SLC29A4: variants seen among roughly 807,000 people sequenced by gnomAD.
The protein encoded by SLC29A4 is solute carrier family 29 member 4.
Under a neutral mutation model 43.9 loss-of-function variants are expected in SLC29A4, and 36 were observed. The observed-to-expected ratio is 0.82, with a 90% CI of 0.63 to 1.08. The LOEUF is 1.08. SLC29A4 is among the 50% of genes least tolerant of loss of function. The pLI, the probability that SLC29A4 is intolerant of heterozygous loss-of-function variation, is 0.00. For missense variants in SLC29A4, 869 were observed against 755.3 expected, an observed-to-expected ratio of 1.15 and a Z score of -1.77; for synonymous variants, 491 against 338.0, an observed-to-expected ratio of 1.45 and a Z score of -4.97.
At chr7:5,292,845 C>T (rs1785394487) in intron 5 of SLC29A4, among the ~76,000 whole-genome samples, 1 of 151,264 alleles carries the variant, frequency 6.6e-6, no homozygotes, top group Admixed American at 6.6e-5. Context: ...ATTACAGGTG[C>T]CCGCCACCAT....
At chr7:5,294,449 T>A (rs1785512227) in intron 5 of SLC29A4, among the ~76,000 whole-genome samples, 1 of 152,082 alleles carries the variant, frequency 6.6e-6, no homozygotes, top group Admixed American at 6.5e-5. Context: ...GCCTGACTTC[T>A]CACTTTTGCT....
chr7:5,283,584 G>A (rs1339732924), intron 1 of SLC29A4, among the ~76,000 whole-genome samples: 2 of 152,192 alleles, frequency 1.3e-5, no homozygotes, highest in Non-Finnish European at 2.9e-5. Flanking sequence ...CGGCGACCCG[G>A]GCCGGGGAGG....
chr7:5,304,747 A>G lies in SLC29A4; in HGVS notation c.*1808A>G, dbSNP rs1355812149. On this transcript the variant is annotated 3_prime_UTR_variant, in exon 11 of 11. Coordinates refer to ENST00000396872, the MANE Select transcript of SLC29A4 (RefSeq NM_153247.4). Reference sequence around the variant, plus strand: ...TCGAACTCCTGATCTCAAGTGATCCATCTGTCTCATCCTCCCAAAGTGTTG... The same window carrying G: ...TCGAACTCCTGATCTCAAGTGATCCGTCTGTCTCATCCTCCCAAAGTGTTG... 2.0e-5 allele frequency: 3 copies of G among 152,186 alleles called. No individual in the cohort carries two copies. The highest frequency in any genetic ancestry group is 4.8e-5 in the African/African-American group (2 of 41,414). The allele number at this position is 152,186 out of a possible 1,614,324, so 9.4% of individuals were successfully genotyped here.
At chr7:5,300,928 G>A (rs565349309) in intron 10 of SLC29A4, among the ~76,000 whole-genome samples, 4 of 152,274 alleles carry the variant, frequency 2.6e-5, no homozygotes, top group South Asian at 4.1e-4. Flanking sequence ...GCGACAAAAC[G>A]GCGCTCCCCG....
At chr7:5,300,770 GT>G (rs1786107642) in intron 10 of SLC29A4, 108 bp downstream of exon 10, 1 of 1,421,334 alleles carries the variant, frequency 7.0e-7, no homozygotes, top group African/African-American at 1.4e-5. Flanking sequence ...GGTTCCGGGG[GT>G]TCAGAACAGT....
intron 2 of SLC29A4, among the ~76,000 whole-genome samples, chr7:5,288,373 C>T (rs10263352): frequency 0.059 from 8,008 of 135,624 alleles, 464 homozygotes; most frequent in African/African-American, 0.15. Flanking sequence ...GGTGCAATCT[C>T]GGCTCACTGC....
At chr7:5,302,024 C>T (rs1377170958) in intron 10 of SLC29A4, among the ~76,000 whole-genome samples, 2 of 152,146 alleles carry the variant, frequency 1.3e-5, no homozygotes, top group African/African-American at 4.8e-5. Context: ...GATCTCAGCT[C>T]ACTGCAACCT....
intron 1 of SLC29A4, among the ~76,000 whole-genome samples, chr7:5,286,532 AAAG>A (rs1446572905): frequency 1.9e-4 from 27 of 141,846 alleles, no homozygotes; most frequent in African/African-American, 6.3e-4. Flanking sequence ...CAAAAAAAAA[AAAG>A]AAAAAAGAAA....
At chr7:5,283,489 C>T (rs1784777073) in intron 1 of SLC29A4, among the ~76,000 whole-genome samples, 1 of 152,146 alleles carries the variant, frequency 6.6e-6, no homozygotes, top group Non-Finnish European at 1.5e-5. Context: ...CTCGGGACGG[C>T]CCAGGGGGTC....
intron 6 of SLC29A4, among the ~76,000 whole-genome samples, chr7:5,295,570 T>C (rs1022345840): frequency 3.3e-5 from 5 of 152,232 alleles, no homozygotes; most frequent in African/African-American, 9.6e-5. Context: ...GTACCGGCAC[T>C]GTGTGCGTGG....
At chr7:5,298,571 C>T (rs1224111533) in intron 7 of SLC29A4, among the ~76,000 whole-genome samples, 5 of 152,016 alleles carry the variant, frequency 3.3e-5, no homozygotes, top group African/African-American at 1.2e-4. Context: ...GTGGGAGGAT[C>T]GCTTGAGCCC....
intron 1 of SLC29A4, among the ~76,000 whole-genome samples, chr7:5,286,134 A>C (rs552264217): frequency 6.6e-6 from 1 of 152,282 alleles, no homozygotes; most frequent in East Asian, 1.9e-4. Context: ...CACTACATTC[A>C]GCACTCAGTG....
In SLC29A4 at chr7:5,305,810, G is replaced by C. The variant is rs1428879973; in HGVS notation, c.*2871G>C. 6.6e-6 allele frequency: 1 copy of C among 152,024 alleles called. No individual in the cohort carries two copies. The highest frequency in any genetic ancestry group is 2.4e-5 in the African/African-American group (1 of 41,386). 9.4% of individuals were successfully genotyped at this position (152,024 alleles called of 1,614,324 possible). A position where few individuals can be genotyped will look rare whatever the true frequency, so the allele number is the denominator to read the frequency against. On this transcript the variant is annotated 3_prime_UTR_variant, in exon 11 of 11. Coordinates refer to ENST00000396872, the MANE Select transcript of SLC29A4 (RefSeq NM_153247.4). ...GACCTCAGGTGATCCACCTGCCTCAGCCTCCCAAAGTGCTGGGATTACAGG... is the reference window on the plus strand; with the variant it reads ...GACCTCAGGTGATCCACCTGCCTCACCCTCCCAAAGTGCTGGGATTACAGG...
At chr7:5,291,042 C>T (rs1785270886) in intron 3 of SLC29A4, 82 bp from the exon 4 acceptor site, 1 of 1,562,628 alleles carries the variant, frequency 6.4e-7, no homozygotes, top group Admixed American at 1.7e-5. Context: ...GCAGCGAGCC[C>T]CTTCTGGGAG....
At chr7:5,286,348 C>T (rs767529365) in intron 1 of SLC29A4, among the ~76,000 whole-genome samples, 9 of 152,036 alleles carry the variant, frequency 5.9e-5, no homozygotes, top group Non-Finnish European at 4.4e-5. Flanking sequence ...CATGGTGAAA[C>T]GCCATCTCTA....
chr7:5,287,645 G>T (rs1216064896), intron 1 of SLC29A4, among the ~76,000 whole-genome samples, 164 bp from the exon 2 acceptor site: 1 of 152,162 alleles, frequency 6.6e-6, no homozygotes, highest in Non-Finnish European at 1.5e-5. Flanking sequence ...TCCTGTTCAG[G>T]CACTTTCCTG....
chr7:5,283,566 GA>G (rs1373024497), intron 1 of SLC29A4, among the ~76,000 whole-genome samples: 2 of 152,176 alleles, frequency 1.3e-5, no homozygotes, highest in African/African-American at 4.8e-5. Context: ...ACAGGCGGCA[GA>G]AAGGCGCGGC....
At chr7:5,299,475 G>A in intron 9 of SLC29A4, 48 bp downstream of exon 9, 1 of 1,575,734 alleles carries the variant, frequency 6.3e-7, no homozygotes, top group South Asian at 1.2e-5. Flanking sequence ...TGGGGTGGGG[G>A]TGACAAGGGA....
At chr7:5,283,973 A>C (rs1039338100) in intron 1 of SLC29A4, among the ~76,000 whole-genome samples, 14 of 150,822 alleles carry the variant, frequency 9.3e-5, no homozygotes, top group Non-Finnish European at 1.3e-4. Flanking sequence ...CTTCAGGCCC[A>C]GTGGAAATGG....
Sources: allele counts gnomAD v4.1 joint callset (sites outside exome capture counted in the v4.1 genomes callset), GRCh38; gene constraint gnomAD v4.1.1; transcripts MANE v1.5; gene names NCBI Gene and HGNC (gene_info 2026-07-23, HGNC 2026-07-21).